USP24: variants seen among roughly 807,000 people sequenced by gnomAD.
The protein encoded by USP24 is ubiquitin specific peptidase 24, also known as ubiquitin carboxyl-terminal hydrolase 24.
In USP24, 97 loss-of-function variants were observed where a neutral mutation model predicts 361.6. That is an observed-to-expected ratio of 0.27 (90% CI 0.23 to 0.32). USP24 has a LOEUF of 0.32. Among genes scored for constraint, USP24 ranks in the 10% least tolerant of loss-of-function variants. USP24 has a pLI of 1.00. For missense variants in USP24, 2,353 were observed against 3,165.6 expected, an observed-to-expected ratio of 0.74 and a Z score of 6.16; for synonymous variants, 1,098 against 1,124.6, an observed-to-expected ratio of 0.98 and a Z score of 0.47.
In USP24 at chr1:55,132,711, G is replaced by A. The variant is rs1156693871; in HGVS notation, c.3382-11C>T. On this transcript the variant is annotated splice_polypyrimidine_tract_variant and intron_variant, in intron 30 of 67. Coordinates refer to ENST00000294383, the MANE Select transcript of USP24 (RefSeq NM_015306.3). ...AGACAGCAATGTTTTCTAAGTTTAAGAGAATGAGAAAGACATAAACTACTT... is the reference window on the plus strand; with the variant it reads ...AGACAGCAATGTTTTCTAAGTTTAAAAGAATGAGAAAGACATAAACTACTT... The A allele has an allele frequency of 1.9e-6, 3 of 1,607,866 alleles. No homozygotes were observed. The African/African-American group carries it at 4.0e-5, about 22-fold the overall frequency.
chr1:55,092,222 G>T, intron 53 of USP24, 96 bp from the exon 54 acceptor site: 2 of 749,160 alleles, frequency 2.7e-6, no homozygotes, highest in South Asian at 1.9e-5. Flanking sequence ...CACAATATAT[G>T]AATATGATAT....
intron 32 of USP24, among the ~76,000 whole-genome samples, chr1:55,129,258 G>T (rs536534353): frequency 7.2e-5 from 11 of 152,158 alleles, no homozygotes; most frequent in Non-Finnish European, 1.6e-4. Flanking sequence ...CACTACCAGA[G>T]GGGAAAGAGA....
At chr1:55,124,164 T>G (rs1207116368) in intron 35 of USP24, among the ~76,000 whole-genome samples, 1 of 152,210 alleles carries the variant, frequency 6.6e-6, no homozygotes, top group Non-Finnish European at 1.5e-5. Context: ...CTAAATGAAT[T>G]TGTATTATTG....
At chr1:55,088,805 G>A (rs1452003837) in intron 55 of USP24, among the ~76,000 whole-genome samples, 2 of 152,266 alleles carry the variant, frequency 1.3e-5, no homozygotes, top group East Asian at 1.9e-4. Context: ...GAAGTAAAGT[G>A]TAAACATTCA....
At chr1:55,177,392 T>C (rs558842011) in intron 2 of USP24, among the ~76,000 whole-genome samples, 91 of 152,320 alleles carry the variant, frequency 6.0e-4, no homozygotes, top group Admixed American at 7.8e-4. Flanking sequence ...CTGCCTAGCA[T>C]AGTACCTAGA....
intron 12 of USP24, among the ~76,000 whole-genome samples, chr1:55,155,665 T>G (rs1278644531): frequency 6.6e-6 from 1 of 152,204 alleles, no homozygotes; most frequent in Non-Finnish European, 1.5e-5. Flanking sequence ...GCTGGGAGCC[T>G]GCCAACTACA....
intron 49 of USP24, 150 bp from the exon 50 acceptor site, chr1:55,096,772 T>G: frequency 7.1e-7 from 1 of 1,401,640 alleles, no homozygotes; most frequent in East Asian, 2.3e-5. Flanking sequence ...TATTTCAATT[T>G]CTAAAACAAC....
chr1:55,071,350 T>C (rs1361901998), intron 67 of USP24: 7 of 992,152 alleles, frequency 7.1e-6, no homozygotes, highest in Non-Finnish European at 8.4e-6. Context: ...GCTGTTTTTT[T>C]TTCTTTTTTT....
chr1:55,143,380 C>T (rs988690551), intron 21 of USP24, among the ~76,000 whole-genome samples: 1 of 152,200 alleles, frequency 6.6e-6, no homozygotes, highest in Non-Finnish European at 1.5e-5. Flanking sequence ...TAGACCCAAA[C>T]TGGACACACA....
chr1:55,214,572 C>T (rs1273846911), intron 1 of USP24, among the ~76,000 whole-genome samples: 1 of 152,088 alleles, frequency 6.6e-6, no homozygotes, highest in Non-Finnish European at 1.5e-5. Context: ...TTCCCTTTCA[C>T]ACGCCTCTCC....
chr1:55,078,346 G>T (rs573176910), intron 61 of USP24, among the ~76,000 whole-genome samples, 192 bp downstream of exon 61: 1 of 152,004 alleles, frequency 6.6e-6, no homozygotes, highest in Non-Finnish European at 1.5e-5. Context: ...TTTTCCCAAA[G>T]AGAGTGTAGT....
chr1:55,095,495 T>C (rs2100487174), intron 50 of USP24, 99 bp from the exon 51 acceptor site: 1 of 1,326,424 alleles, frequency 7.5e-7, no homozygotes, highest in Non-Finnish European at 1.0e-6. Context: ...AGTAGTTAAC[T>C]ACTCCCTAAG....
chr1:55,180,267 G>A (rs1643924442), intron 1 of USP24, among the ~76,000 whole-genome samples: 1 of 152,194 alleles, frequency 6.6e-6, no homozygotes, highest in Non-Finnish European at 1.5e-5. Flanking sequence ...ACAGCAGAAA[G>A]AGACATGTCT....
At chr1:55,091,585 C>T (rs1486568705) in intron 54 of USP24, among the ~76,000 whole-genome samples, 1 of 152,210 alleles carries the variant, frequency 6.6e-6, no homozygotes, top group Non-Finnish European at 1.5e-5. Flanking sequence ...TCAGCCTCAG[C>T]TCCAGGAGTC....
At position 55,085,614 on chromosome 1, in the gene USP24, A is replaced by G. The variant is rs1645234006; in HGVS notation, c.6765+328T>C. On this transcript the variant is annotated intron_variant, in intron 56 of 67. Transcript: ENST00000294383. ...TGGCTCAAAATGTCTGCTGGCCTAG[A>G]TGAGTCTCTAGACACAGATTAGTCT... Among the ~76,000 whole-genome samples the G allele has an allele frequency of 3.3e-5, 5 of 152,224 alleles. No homozygotes were observed. In the South Asian group the frequency reaches 1.0e-3, roughly 31 times the overall value.
chr1:55,174,398 C>T (rs1041152803), intron 3 of USP24, among the ~76,000 whole-genome samples: 10 of 152,148 alleles, frequency 6.6e-5, no homozygotes, highest in African/African-American at 1.9e-4. Flanking sequence ...GCCTAATTGA[C>T]GGGGAGGAGA....
At chr1:55,192,975 AC>A (rs1644328286) in intron 1 of USP24, among the ~76,000 whole-genome samples, 1 of 152,146 alleles carries the variant, frequency 6.6e-6, no homozygotes, top group African/African-American at 2.4e-5. Flanking sequence ...AGTCCTCCAC[AC>A]CCATGGGTTC....
chr1:55,095,333 A>G lies in USP24; in HGVS notation c.6125T>C (p.Val2042Ala). The G allele has an allele frequency of 1.9e-6, 3 of 1,613,486 alleles. No homozygotes were observed. The highest frequency in any genetic ancestry group is 2.2e-5 in the South Asian group (2 of 90,920). ...TAATACTGGGGAGTTCTGATCAGAC[A>G]CCCTTTGGTAGAAAAGCATATAGGC... The part of the protein sequence containing the change: ...WNAYMLFYQR[V>A]SDQNSPVLPK... Residue 2042 changes from valine to alanine, a missense_variant, in exon 51 of 68, where the codon GTG (valine) becomes GCG (alanine). Val to Ala is a moderately conservative substitution (Grantham distance 64). This residue lies in a region of USP24 where 598 missense variants were observed against 761.9 expected (regional missense o/e 0.78). Coordinates refer to ENST00000294383, the MANE Select transcript of USP24 (RefSeq NM_015306.3).
intron 64 of USP24, among the ~76,000 whole-genome samples, chr1:55,073,528 A>G (rs1347289353): frequency 6.6e-6 from 1 of 152,196 alleles, no homozygotes; most frequent in East Asian, 1.9e-4. Context: ...AGAAACCTTG[A>G]GTGAAAGCTC....
Sources: gnomAD v4.1 joint callset for allele counts (sites outside exome capture counted in the v4.1 genomes callset) on GRCh38, gnomAD v4.1.1 for gene constraint, gnomAD v4.1.1 regional missense constraint, MANE v1.5 for transcripts, NCBI Gene and HGNC (gene_info 2026-07-23, HGNC 2026-07-21) for gene names.